The following GFPT1 variants were observed in gnomAD, a reference collection of about 807,000 sequenced individuals.
GFPT1 encodes glutamine--fructose-6-phosphate aminotransferase [isomerizing] 1.
Under a neutral mutation model 92.0 loss-of-function variants are expected in GFPT1, and 40 were observed. The observed-to-expected ratio is 0.43, with a 90% confidence interval of 0.34 to 0.57. The LOEUF (loss-of-function observed/expected upper bound fraction) is 0.57. Ranked by LOEUF, GFPT1 falls within the 20% of genes least tolerant of loss-of-function variation. The pLI is 0.02. For synonymous variants in GFPT1, 269 were observed against 280.6 expected (o/e 0.96, Z 0.41); for missense variants, 448 against 869.1 (o/e 0.52, Z 6.09).
intron 4 of GFPT1, among the ~76,000 whole-genome samples, chr2:69,362,733 G>A (rs991264631): frequency 2.0e-5 from 3 of 151,950 alleles, no homozygotes; most frequent in Non-Finnish European, 2.9e-5. Context: ...GAAGGTGGAG[G>A]TTGCAGTGAG....
intron 7 of GFPT1, 79 bp from the exon 8 acceptor site, chr2:69,354,647 A>T: frequency 3.7e-6 from 3 of 819,280 alleles, no homozygotes; most frequent in African/African-American, 1.7e-5. Flanking sequence ...ATGGGCCAAT[A>T]CTCTTCAAAT....
intron 9 of GFPT1, among the ~76,000 whole-genome samples, chr2:69,352,874 C>T (rs1671245562): frequency 1.3e-5 from 2 of 151,516 alleles, no homozygotes; most frequent in South Asian, 2.1e-4. Flanking sequence ...GGCGAAACCC[C>T]GTCTCTACTA....
At chr2:69,367,150 C>G (rs919874008) in intron 3 of GFPT1, among the ~76,000 whole-genome samples, 2 of 152,182 alleles carry the variant, frequency 1.3e-5, no homozygotes, top group African/African-American at 4.8e-5. Flanking sequence ...CAAGTTGACA[C>G]AGTCTTACTA....
At chr2:69,342,361 G>A in intron 12 of GFPT1, 112 bp from the exon 13 acceptor site, 3 of 743,632 alleles carry the variant, frequency 4.0e-6, no homozygotes, top group Non-Finnish European at 7.2e-6. Flanking sequence ...CTGTTTTAAA[G>A]AATTAATATT....
intron 13 of GFPT1, among the ~76,000 whole-genome samples, chr2:69,341,007 T>A (rs535813602): frequency 6.6e-6 from 1 of 152,136 alleles, no homozygotes; most frequent in African/African-American, 2.4e-5. Context: ...TCGCCCAGGT[T>A]GGAGTTCAGC....
chr2:69,338,368 T>C, intron 14 of GFPT1, 77 bp downstream of exon 14: 1 of 1,250,032 alleles, frequency 8.0e-7, no homozygotes, highest in South Asian at 1.3e-5. Context: ...TCTTTAAATA[T>C]CAGCTTTTGC....
chr2:69,357,793 A>G (rs1483363386), intron 6 of GFPT1, among the ~76,000 whole-genome samples: 1 of 152,190 alleles, frequency 6.6e-6, no homozygotes, highest in African/African-American at 2.4e-5. Context: ...AAGAATACTG[A>G]TTTTCTCATG....
chr2:69,327,900 C>T (rs1402737273), intron 18 of GFPT1, among the ~76,000 whole-genome samples: 4 of 151,654 alleles, frequency 2.6e-5, no homozygotes, highest in African/African-American at 4.8e-5. Flanking sequence ...GTCAGGAGTT[C>T]GACACCAGCC....
intron 4 of GFPT1, among the ~76,000 whole-genome samples, chr2:69,361,307 G>T (rs1211971828): frequency 2.0e-5 from 3 of 151,850 alleles, no homozygotes; most frequent in Non-Finnish European, 2.9e-5. Context: ...AAATTGCCAG[G>T]CGTGGTGTCA....
At chr2:69,332,785 T>C (rs948200510) in intron 15 of GFPT1, among the ~76,000 whole-genome samples, 19 of 151,818 alleles carry the variant, frequency 1.3e-4, no homozygotes, top group African/African-American at 4.4e-4. Flanking sequence ...TGCTGAGGGG[T>C]GTGTGTGTGC....
chr2:69,359,244 G>T, intron 5 of GFPT1, 24 bp downstream of exon 5: 1 of 1,313,942 alleles, frequency 7.6e-7, no homozygotes, highest in South Asian at 1.2e-5. Context: ...AAAGACTGGG[G>T]TCTTTTGAGG....
chr2:69,334,701 C>CA (rs1670750488), intron 15 of GFPT1: 1 of 152,112 alleles, frequency 6.6e-6, no homozygotes, highest in South Asian at 2.1e-4. Flanking sequence ...ATTTAAAAAA[C>CA]AAACTTCAGG....
chr2:69,382,180 T>C (rs978685109), intron 1 of GFPT1, among the ~76,000 whole-genome samples: 3 of 152,212 alleles, frequency 2.0e-5, no homozygotes, highest in Non-Finnish European at 4.4e-5. Flanking sequence ...TAACTCTTGA[T>C]GAGTGTTTCT....
chr2:69,327,132 T>C, intron 18 of GFPT1, 57 bp from the exon 19 acceptor site: 3 of 1,548,890 alleles, frequency 1.9e-6, no homozygotes, highest in Non-Finnish European at 2.7e-6. Context: ...GGCAGGGCTA[T>C]AGCTTACGAA....
At chr2:69,351,795 A>G (rs1423417159) in intron 9 of GFPT1, among the ~76,000 whole-genome samples, 1 of 152,222 alleles carries the variant, frequency 6.6e-6, no homozygotes, top group Non-Finnish European at 1.5e-5. Flanking sequence ...AAAATAACAT[A>G]TTAGTGTTTG....
chr2:69,379,179 T>C (rs1490102056), intron 1 of GFPT1, among the ~76,000 whole-genome samples: 2 of 152,214 alleles, frequency 1.3e-5, no homozygotes, highest in East Asian at 1.9e-4. Context: ...CCAACCCCTT[T>C]CTCAGAGATA....
chr2:69,369,875 A>G (rs543240813), intron 3 of GFPT1, 126 bp downstream of exon 3: 42 of 722,178 alleles, frequency 5.8e-5, no homozygotes, highest in Middle Eastern at 2.7e-4. Flanking sequence ...CCTCCCTTCA[A>G]TGTTACAGAC....
chr2:69,369,930 C>A, intron 3 of GFPT1, 71 bp downstream of exon 3: 2 of 886,266 alleles, frequency 2.3e-6, no homozygotes, highest in Non-Finnish European at 3.9e-6. Flanking sequence ...GAGGGAGTAA[C>A]TTAGAGGAGA....
intron 11 of GFPT1, among the ~76,000 whole-genome samples, chr2:69,346,302 G>A (rs1420966913): frequency 6.6e-6 from 1 of 151,826 alleles, no homozygotes; most frequent in African/African-American, 2.4e-5. Context: ...GGAGTGGCAT[G>A]ATGTAGGCTC....
Sources: gnomAD v4.1 joint callset for allele counts (sites outside exome capture counted in the v4.1 genomes callset) on GRCh38, gnomAD v4.1.1 for gene constraint, MANE v1.5 for transcripts, NCBI Gene and HGNC (gene_info 2026-07-23, HGNC 2026-07-21) for gene names.